The following CDH11 variants were observed in gnomAD, a reference collection of about 807,000 sequenced individuals.
CDH11 encodes the protein cadherin-11.
CDH11 carries 11 observed loss-of-function variants against 67.8 expected under a neutral mutation model. The observed-to-expected ratio is 0.16, with a 90% CI of 0.10 to 0.27. The LOEUF (loss-of-function observed/expected upper bound fraction) is 0.27. Among genes scored for constraint, CDH11 ranks in the 10% least tolerant of loss-of-function variants. The pLI is 1.00. For synonymous variants in CDH11, 419 were observed against 400.0 expected (o/e 1.05, Z -0.57); for missense variants, 847 against 1,031.2 (o/e 0.82, Z 2.45).
chr16:65,054,391 G>A (rs1474867183), intron 1 of CDH11, among the ~76,000 whole-genome samples: 2 of 152,180 alleles, frequency 1.3e-5, no homozygotes, highest in Admixed American at 1.3e-4. Context: ...CAAGGATGAA[G>A]AGTAGCAATA....
chr16:65,029,792 T>C (rs2142614637), intron 2 of CDH11, among the ~76,000 whole-genome samples: 1 of 152,294 alleles, frequency 6.6e-6, no homozygotes, highest in South Asian at 2.1e-4. Context: ...ACCTTTCCAA[T>C]GTCCTACACA....
Position 64,947,564 on chromosome 16 carries a change from C to A in CDH11, c.*39G>T. ...CACATCTTCTAGATTCTTGAGAACG[C>A]CAGACACAGTTCTTAAGGCCAAATT... On this transcript the variant is annotated 3_prime_UTR_variant, in exon 13 of 13. Transcript: ENST00000268603. The A allele has an allele frequency of 6.4e-7, 1 of 1,574,404 alleles. No individual in the cohort carries two copies. The highest frequency in any genetic ancestry group is 8.6e-7 in the Non-Finnish European group (1 of 1,158,896).
intron 7 of CDH11, among the ~76,000 whole-genome samples, chr16:64,983,717 C>T (rs1274086398): frequency 3.9e-5 from 6 of 152,118 alleles, no homozygotes; most frequent in Non-Finnish European, 7.4e-5. Flanking sequence ...ATCCTGGGAC[C>T]CAGCAGTTCC....
intron 2 of CDH11, among the ~76,000 whole-genome samples, chr16:65,020,890 T>TGG (rs2073410144): frequency 6.6e-6 from 1 of 152,114 alleles, no homozygotes; most frequent in African/African-American, 2.4e-5. Flanking sequence ...ATGGAACCCT[T>TGG]TCAGGAACAT....
At chr16:65,041,404 C>T (rs1037782101) in intron 2 of CDH11, among the ~76,000 whole-genome samples, 1 of 151,306 alleles carries the variant, frequency 6.6e-6, no homozygotes, top group African/African-American at 2.4e-5. Flanking sequence ...TTATTCTCTC[C>T]ATAGTATGTG....
intron 1 of CDH11, among the ~76,000 whole-genome samples, chr16:65,098,264 C>G (rs1307752463): frequency 6.6e-6 from 1 of 152,060 alleles, no homozygotes; most frequent in Non-Finnish European, 1.5e-5. Context: ...TCCTTAAGTT[C>G]CTTGGATACT....
chr16:64,969,405 G>T (rs906698641), intron 11 of CDH11, among the ~76,000 whole-genome samples: 1 of 152,286 alleles, frequency 6.6e-6, no homozygotes, highest in East Asian at 1.9e-4. Flanking sequence ...TCCAGTGTAA[G>T]TTGAGAATTG....
intron 8 of CDH11, among the ~76,000 whole-genome samples, chr16:64,978,325 C>T (rs1482207163): frequency 6.6e-6 from 1 of 152,188 alleles, no homozygotes; most frequent in Admixed American, 6.5e-5. Context: ...GGCCAGCAAA[C>T]TTGTTCTGCA....
chr16:65,080,506 A>G (rs2074592698), intron 1 of CDH11, among the ~76,000 whole-genome samples: 1 of 152,222 alleles, frequency 6.6e-6, no homozygotes, highest in Non-Finnish European at 1.5e-5. Context: ...CAATAACAAT[A>G]ACAAAATTTG....
At chr16:64,995,284 A>G (rs531272977) in intron 4 of CDH11, among the ~76,000 whole-genome samples, 1 of 152,330 alleles carries the variant, frequency 6.6e-6, no homozygotes, top group Admixed American at 6.5e-5. Flanking sequence ...CGAATAGTCA[A>G]AGCAATCCTA....
At chr16:64,976,255 A>G (rs2072163005) in intron 8 of CDH11, among the ~76,000 whole-genome samples, 1 of 152,170 alleles carries the variant, frequency 6.6e-6, no homozygotes. Flanking sequence ...GACCAAGTCA[A>G]TGCCTGGACA....
intron 11 of CDH11, among the ~76,000 whole-genome samples, chr16:64,952,615 A>T (rs986160844): frequency 6.6e-6 from 1 of 152,094 alleles, no homozygotes; most frequent in Non-Finnish European, 1.5e-5. Flanking sequence ...AAACAGTAGA[A>T]ATTTTTAATA....
In CDH11 at chr16:64,946,504, A is replaced by C. The variant is rs1445286376; in HGVS notation, c.*1099T>G. On this transcript the variant is annotated 3_prime_UTR_variant, in exon 13 of 13. Coordinates refer to ENST00000268603, the MANE Select transcript of CDH11 (RefSeq NM_001797.4). ...ATATTGCAAAGTCATAGACTGACCT[A>C]GTTCTTTCACATCCTTCTTTTTTAG... 1 of 1,030,664 alleles carries C rather than the reference A, an allele frequency of 9.7e-7. No individual in the cohort carries two copies. Among genetic ancestry groups the C allele is most frequent in the African/African-American group, 1.7e-5 (1 of 59,266 alleles). The allele number at this position is 1,030,664 out of a possible 1,614,324, so 63.8% of individuals were successfully genotyped here.
chr16:64,998,286 G>C (rs2072826051), intron 4 of CDH11, among the ~76,000 whole-genome samples: 1 of 152,174 alleles, frequency 6.6e-6, no homozygotes, highest in South Asian at 2.1e-4. Context: ...TCATTAATTA[G>C]CACAATGTCT....
rs1448864831 is a variant in CDH11 at position 64,945,687 on chromosome 16, C to T, written c.*1916G>A. 8 of 1,039,138 alleles carry T rather than the reference C, an allele frequency of 7.7e-6. No homozygotes were observed. The highest frequency in any genetic ancestry group is 4.6e-5 in the South Asian group (1 of 21,748). The allele number at this position is 1,039,138 out of a possible 1,614,324, so 64.4% of individuals were successfully genotyped here. On this transcript the variant is annotated 3_prime_UTR_variant, in exon 13 of 13. Transcript: ENST00000268603. The stretch of plus-strand genomic sequence containing the variant: ...GTGACATTGTCCACAAAATGTATTC[C>T]ATTGAAGTGTTCAGCCCAATTTGAT...
At chr16:64,963,642 A>G (rs549338428) in intron 11 of CDH11, among the ~76,000 whole-genome samples, 28 of 152,314 alleles carry the variant, frequency 1.8e-4, no homozygotes, top group African/African-American at 6.7e-4. Context: ...AAGTCCCTAC[A>G]CCTAGTCATA....
At chr16:64,989,390 G>T (rs1450309675) in intron 6 of CDH11, among the ~76,000 whole-genome samples, 7 of 152,150 alleles carry the variant, frequency 4.6e-5, no homozygotes, top group Non-Finnish European at 7.4e-5. Context: ...ATGTGTGGGT[G>T]ATAAGCAGAA....
intron 1 of CDH11, among the ~76,000 whole-genome samples, chr16:65,082,889 C>G (rs781085119): frequency 3.9e-5 from 6 of 152,136 alleles, no homozygotes; most frequent in Non-Finnish European, 8.8e-5. Context: ...CATCATTTGC[C>G]TATGACATTG....
chr16:65,023,819 C>T (rs929137358), intron 2 of CDH11, among the ~76,000 whole-genome samples: 6 of 152,326 alleles, frequency 3.9e-5, no homozygotes, highest in East Asian at 1.9e-4. Context: ...CCAGAGTTCG[C>T]TTTCATTGCC....
Sources: gnomAD v4.1 joint callset for allele counts (sites outside exome capture counted in the v4.1 genomes callset) on GRCh38, gnomAD v4.1.1 for gene constraint, MANE v1.5 for transcripts, NCBI Gene and HGNC (gene_info 2026-07-23, HGNC 2026-07-21) for gene names.